The following CRYBB2 variants were observed in gnomAD, a reference collection of about 807,000 sequenced individuals.
CRYBB2 encodes the protein beta-crystallin B2.
Under a neutral mutation model 24.3 loss-of-function variants are expected in CRYBB2, and 12 were observed. That is an observed-to-expected ratio of 0.49 (90% CI 0.32 to 0.80). The LOEUF (loss-of-function observed/expected upper bound fraction) is 0.80, where lower values mean the gene tolerates loss of function less well. Among genes scored for constraint, CRYBB2 ranks in the 30% least tolerant of loss-of-function variants. The pLI, the probability that CRYBB2 is intolerant of heterozygous loss-of-function variation, is 0.04. For missense variants in CRYBB2, 198 were observed against 268.5 expected, an observed-to-expected ratio of 0.74 and a Z score of 1.83; for synonymous variants, 98 against 101.6, an observed-to-expected ratio of 0.96 and a Z score of 0.21.
intron 5 of CRYBB2, among the ~76,000 whole-genome samples, chr22:25,231,028 T>C (rs1315399718): frequency 6.6e-6 from 1 of 152,116 alleles, no homozygotes; most frequent in Admixed American, 6.6e-5. Context: ...GTGGCTGGAA[T>C]GCAGAGATGT....
upstream of CRYBB2, among the ~76,000 whole-genome samples, chr22:25,211,689 C>T (rs1935107693): frequency 6.6e-6 from 1 of 152,214 alleles, no homozygotes; most frequent in Non-Finnish European, 1.5e-5. Context: ...GCTAGGATTA[C>T]AGGCATGAGC....
At chr22:25,219,249 T>C (rs193039205), upstream of CRYBB2, among the ~76,000 whole-genome samples, 1 of 152,292 alleles carries the variant, frequency 6.6e-6, no homozygotes, top group Non-Finnish European at 1.5e-5. Context: ...AATGGGTAGA[T>C]GAATGAAGCC....
intron 3 of CRYBB2, among the ~76,000 whole-genome samples, chr22:25,226,780 T>C (rs115861539): frequency 0.014 from 2,181 of 152,308 alleles, 58 homozygotes; most frequent in African/African-American, 0.05. Flanking sequence ...TTCAGGCAAT[T>C]CTCCTCCCTC....
At chr22:25,225,868 AC>A (rs1935403684) in intron 3 of CRYBB2, among the ~76,000 whole-genome samples, 1 of 152,198 alleles carries the variant, frequency 6.6e-6, no homozygotes, top group Admixed American at 6.5e-5. Context: ...TGGTCATCTG[AC>A]ATGCTCAGGG....
upstream of CRYBB2, among the ~76,000 whole-genome samples, chr22:25,215,791 C>T (rs546902677): frequency 3.9e-4 from 59 of 152,332 alleles, no homozygotes; most frequent in African/African-American, 1.3e-3. Context: ...GTTACTTAAG[C>T]TCTATGAGCC....
chr22:25,224,049 A>G (rs996900099), intron 2 of CRYBB2, among the ~76,000 whole-genome samples: 2 of 150,156 alleles, frequency 1.3e-5, no homozygotes, highest in East Asian at 2.0e-4. Flanking sequence ...GCGTGAACCC[A>G]GGAGGCGGAG....
upstream of CRYBB2, among the ~76,000 whole-genome samples, chr22:25,212,477 C>T (rs1023858275): frequency 7.2e-5 from 11 of 152,204 alleles, no homozygotes; most frequent in African/African-American, 2.4e-4. Context: ...CCCAGGAATC[C>T]ACCATTAGGG....
At chr22:25,218,838 G>GAAAGAA (rs386365958), upstream of CRYBB2, among the ~76,000 whole-genome samples, 442 of 98,032 alleles carry the variant, frequency 4.5e-3, 21 homozygotes, top group East Asian at 0.015. Context: ...AAGAAAGAAA[G>GAAAGAA]AGAAAGAAAG....
At chr22:25,229,363 A>G in intron 4 of CRYBB2, 73 bp from the exon 5 acceptor site, 1 of 1,531,756 alleles carries the variant, frequency 6.5e-7, no homozygotes, top group Non-Finnish European at 8.9e-7. Context: ...ACTCTGGGGC[A>G]TGAGCATGGG....
At chr22:25,224,802 C>G in intron 2 of CRYBB2, 116 bp from the exon 3 acceptor site, 1 of 777,542 alleles carries the variant, frequency 1.3e-6, no homozygotes, top group Non-Finnish European at 2.4e-6. Context: ...ATTTGTCACT[C>G]TGGAGGTGAA....
intron 5 of CRYBB2, among the ~76,000 whole-genome samples, chr22:25,231,376 C>T (rs893805434): frequency 6.6e-6 from 1 of 151,768 alleles, no homozygotes; most frequent in Non-Finnish European, 1.5e-5. Flanking sequence ...AAATTTGCTT[C>T]AGGAGGCAGT....
upstream of CRYBB2, among the ~76,000 whole-genome samples, chr22:25,218,354 T>C (rs73162239): frequency 5.3e-5 from 8 of 150,952 alleles, no homozygotes; most frequent in Non-Finnish European, 1.2e-4. Context: ...CAACTCACTC[T>C]AGGACAGTGG....
intron 2 of CRYBB2, among the ~76,000 whole-genome samples, chr22:25,222,922 C>T (rs554136294): frequency 2.6e-4 from 40 of 152,208 alleles, no homozygotes; most frequent in Non-Finnish European, 5.1e-4. Flanking sequence ...GTGTATGTTA[C>T]GCTTATAGCA....
chr22:25,223,920 A>G (rs1935366182), intron 2 of CRYBB2, among the ~76,000 whole-genome samples: 1 of 152,096 alleles, frequency 6.6e-6, no homozygotes. Context: ...GGAGATCGAG[A>G]CCATCCTGGC....
upstream of CRYBB2, among the ~76,000 whole-genome samples, chr22:25,216,248 T>C (rs1255858118): frequency 6.6e-6 from 1 of 152,198 alleles, no homozygotes; most frequent in Non-Finnish European, 1.5e-5. Context: ...GAATGTGACC[T>C]TCTATTTGGA....
In CRYBB2 at chr22:25,227,955, C is replaced by T. The variant is rs757233341; in HGVS notation, c.276C>T (p.Asp92=). 3.7e-6 allele frequency: 6 copies of T among 1,614,154 alleles called. No individual in the cohort carries two copies. In the South Asian group the frequency reaches 6.6e-5, roughly 18 times the overall value. ...WDSWTSSRRT[D]SLSSLRPIKV... ...CATGGACCAGCAGCCGAAGGACGGA[C>T]TCCCTCAGCTCCCTGAGGCCCATCA... Residue 92 remains aspartate (D), a synonymous_variant, in exon 4 of 6, where the codon GAC becomes GAT. Transcript: ENST00000398215.
chr22:25,218,780 A>AAAGAAAGAAAGAG (rs1935252747), upstream of CRYBB2, among the ~76,000 whole-genome samples: 1 of 23,428 alleles, frequency 4.3e-5, no homozygotes, highest in Admixed American at 5.2e-4. Flanking sequence ...AGAGAGAGAG[A>AAAGAAAGAAAGAG]AGAAAGAAAG....
chr22:25,216,818 T>G (rs1935175746), upstream of CRYBB2, among the ~76,000 whole-genome samples: 1 of 152,190 alleles, frequency 6.6e-6, no homozygotes, highest in Non-Finnish European at 1.5e-5. Flanking sequence ...ACCTCTATTC[T>G]ACTTCCAGTC....
intron 4 of CRYBB2, among the ~76,000 whole-genome samples, chr22:25,228,488 G>T (rs1935462674): frequency 6.6e-6 from 1 of 151,542 alleles, no homozygotes; most frequent in African/African-American, 2.4e-5. Flanking sequence ...AGTTTTCAGT[G>T]CTTCTGAGAT....
Sources: gnomAD v4.1 joint callset for allele counts (sites outside exome capture counted in the v4.1 genomes callset) on GRCh38, gnomAD v4.1.1 for gene constraint, MANE v1.5 for transcripts, NCBI Gene and HGNC (gene_info 2026-07-23, HGNC 2026-07-21) for gene names.